KRIT1: variants seen among roughly 807,000 people sequenced by gnomAD.
KRIT1 encodes krev interaction trapped protein 1.
KRIT1 carries 45 observed loss-of-function variants against 95.8 expected under a neutral mutation model. The observed-to-expected ratio is 0.47, with a 90% confidence interval of 0.37 to 0.60. The LOEUF is 0.60. Among genes scored for constraint, KRIT1 ranks in the 20% least tolerant of loss-of-function variants. KRIT1 has a pLI of 0.00. For synonymous variants in KRIT1, 282 were observed against 278.8 expected, an observed-to-expected ratio of 1.01 and a Z score of -0.11; for missense variants, 788 against 877.5, an observed-to-expected ratio of 0.90 and a Z score of 1.29.
chr7:92,222,995 C>T lies in KRIT1; in HGVS notation c.1255-17G>A. On this transcript the variant is annotated splice_polypyrimidine_tract_variant and intron_variant, in intron 12 of 18. Coordinates refer to ENST00000394505, the MANE Select transcript of KRIT1 (RefSeq NM_194454.3). ...TTTTTCATACTACAAGAAACGATAA[C>T]TTACGTAACGAACTTAAAAAATTAT... The T allele has an allele frequency of 6.4e-7, 1 of 1,573,252 alleles. No homozygotes were observed. Among genetic ancestry groups the T allele is most frequent in the Non-Finnish European group, 8.7e-7 (1 of 1,145,120 alleles).
intron 4 of KRIT1, 77 bp from the exon 5 acceptor site, chr7:92,241,229 C>A: frequency 9.6e-7 from 1 of 1,037,746 alleles, no homozygotes; most frequent in South Asian, 1.4e-5. Context: ...AGCTAGCAGT[C>A]TTTCTCAACT....
At position 92,245,189 on chromosome 7, in the gene KRIT1, A is replaced by C. The variant is rs1425974195; in HGVS notation, c.-420-18T>G. The C allele has an allele frequency of 6.6e-6, 1 of 151,904 alleles. No homozygotes were observed. Among genetic ancestry groups the C allele is most frequent in the Non-Finnish European group, 1.5e-5 (1 of 67,996 alleles). 9.4% of individuals were successfully genotyped at this position (151,904 alleles called of 1,614,324 possible). ...CCAAAAACCTTAAAAGGTGGAGAAA[A>C]GTGTAGAGGCGAGAAGTGAGTTACA... On this transcript the variant is annotated intron_variant, in intron 1 of 18. Transcript: ENST00000394505.
chr7:92,222,591 A>G (rs536806182), intron 13 of KRIT1, among the ~76,000 whole-genome samples: 1 of 152,330 alleles, frequency 6.6e-6, no homozygotes, highest in South Asian at 2.1e-4. Flanking sequence ...GCCATAGAAG[A>G]AAAGTTTTGT....
In KRIT1 at chr7:92,237,744, A is replaced by G. The variant is rs1235381178; in HGVS notation, c.278T>C (p.Leu93Pro). ...TCCATCCAGAGGAAATTTTTTCATTAGTACAACTCGTTTTCCTAATCATTT... is the reference window on the plus strand; with the variant it reads ...TCCATCCAGAGGAAATTTTTTCATTGGTACAACTCGTTTTCCTAATCATTT... ...NQGIRGKRVV[L>P]MKKFPLDGEK... Residue 93 changes from leucine (L) to proline (P), a missense_variant, in exon 6 of 19, where the codon CTA becomes CCA. By Grantham distance (98) the Leu-to-Pro change is moderately conservative (BLOSUM62 -3). Coordinates refer to ENST00000394505, the MANE Select transcript of KRIT1 (RefSeq NM_194454.3). The G allele has an allele frequency of 6.3e-7, 1 of 1,588,346 alleles. No individual in the cohort carries two copies. The highest frequency in any genetic ancestry group is 8.6e-7 in the Non-Finnish European group (1 of 1,157,018).
chr7:92,214,493 ATTATT>A (rs1793541133), intron 15 of KRIT1, 113 bp downstream of exon 15: 2 of 746,842 alleles, frequency 2.7e-6, no homozygotes, highest in Admixed American at 2.6e-5. Flanking sequence ...TATGTCTTAT[ATTATT>A]TAATTCCAAA....
chr7:92,237,771 T>A lies in KRIT1; in HGVS notation c.263-12A>T, dbSNP rs748446872. 1.1e-5 allele frequency: 16 copies of A among 1,466,496 alleles called. No individual in the cohort carries two copies. In the Admixed American group the frequency reaches 1.3e-4, roughly 12 times the overall value. The allele number at this position is 1,466,496 out of a possible 1,614,324, so 90.8% of individuals were successfully genotyped here. A position where few individuals can be genotyped will look rare whatever the true frequency, so the allele number is the denominator to read the frequency against. ...TACAACTCGTTTTCCTAATCATTTT[T>A]AAAAAGTTAGCAAAACAAAAATAAT... On this transcript the variant is annotated splice_polypyrimidine_tract_variant and intron_variant, in intron 5 of 18. Transcript: ENST00000394505.
chr7:92,203,459 T>C (rs183793225), intron 17 of KRIT1, among the ~76,000 whole-genome samples: 1 of 152,346 alleles, frequency 6.6e-6, no homozygotes, highest in Non-Finnish European at 1.5e-5. Flanking sequence ...ATCACCTGTT[T>C]AGATACCCAA....
intron 12 of KRIT1, among the ~76,000 whole-genome samples, chr7:92,223,842 T>C (rs1309128322): frequency 6.6e-6 from 1 of 152,224 alleles, no homozygotes; most frequent in Non-Finnish European, 1.5e-5. Context: ...TGGATTTTTA[T>C]TGTTATAGGA....
chr7:92,242,975 T>C (rs1319903660), intron 3 of KRIT1, among the ~76,000 whole-genome samples: 1 of 152,146 alleles, frequency 6.6e-6, no homozygotes, highest in African/African-American at 2.4e-5. Flanking sequence ...TGTGCCACCA[T>C]GCTCGGCTAA....
intron 8 of KRIT1, among the ~76,000 whole-genome samples, chr7:92,235,189 G>A (rs527525336): frequency 1.3e-5 from 2 of 152,102 alleles, no homozygotes; most frequent in African/African-American, 4.8e-5. Flanking sequence ...TAGTAGAGAC[G>A]AGATTTCACC....
At chr7:92,212,100 GTC>G in intron 17 of KRIT1, among the ~76,000 whole-genome samples, 1 of 152,138 alleles carries the variant, frequency 6.6e-6, no homozygotes, top group East Asian at 1.9e-4. Context: ...GTGAGACCCT[GTC>G]TCAAAAAATA....
chr7:92,246,080 T>G (rs1405586754), upstream of KRIT1: 1 of 279,498 alleles, frequency 3.6e-6, no homozygotes, highest in Non-Finnish European at 6.9e-6. Flanking sequence ...GCGGTGGGGG[T>G]GCCAGCGGCT....
At chr7:92,238,264 G>A (rs537365231) in intron 5 of KRIT1, among the ~76,000 whole-genome samples, 1 of 152,204 alleles carries the variant, frequency 6.6e-6, no homozygotes, top group South Asian at 2.1e-4. Context: ...TGTTTTTCCT[G>A]AATTGGCAGT....
Position 92,200,357 on chromosome 7 carries a change from A to ATTTTTTT in KRIT1, c.*372_*378dup, listed in dbSNP as rs34910226. On this transcript the variant is annotated 3_prime_UTR_variant, in exon 19 of 19. Coordinates refer to ENST00000394505, the MANE Select transcript of KRIT1 (RefSeq NM_194454.3). ...GAGACTATATGCCTTGTTGAAAGTA[A>ATTTTTTT]TTTTTTTTTTTTTTTGAGATGGAGT... 4.6e-6 allele frequency: 1 copy of ATTTTTTT among 215,660 alleles called. No individual in the cohort carries two copies. The highest frequency in any genetic ancestry group is 9.2e-6 in the Non-Finnish European group (1 of 108,336). 13.4% of individuals were successfully genotyped at this position (215,660 alleles called of 1,614,324 possible).
intron 5 of KRIT1, 87 bp downstream of exon 5, chr7:92,240,906 A>C: frequency 9.5e-7 from 1 of 1,057,174 alleles, no homozygotes; most frequent in Non-Finnish European, 1.4e-6. Context: ...CATAAAAAGA[A>C]ATTGGTTTAA....
rs770594592 is a variant in KRIT1, at chr7:92,241,109, CTCTTT to C, written c.141_145del (p.Arg49GlufsTer13). 1 of 1,611,236 alleles carries C rather than the reference CTCTTT, an allele frequency of 6.2e-7. No homozygotes were observed. Among genetic ancestry groups the C allele is most frequent in the Admixed American group, 1.7e-5 (1 of 59,928 alleles). On this transcript the variant is annotated frameshift_variant, in exon 5 of 19. Coordinates refer to ENST00000394505, the MANE Select transcript of KRIT1 (RefSeq NM_194454.3). LOFTEE classifies it high-confidence loss of function. ...TTTCGTTTCCAATAAAACTTTCTTTCTCTTTTTTTTCTGTCCTTCAATGGGAACTT... is the reference window on the plus strand; with the variant it reads ...TTTCGTTTCCAATAAAACTTTCTTTCTTTTTCTGTCCTTCAATGGGAACTT...
chr7:92,212,504 AC>A (rs1179540801), intron 17 of KRIT1, among the ~76,000 whole-genome samples: 1 of 152,226 alleles, frequency 6.6e-6, no homozygotes, highest in Non-Finnish European at 1.5e-5. Flanking sequence ...AGCAGGGCCC[AC>A]ATGAATGGGA....
intron 3 of KRIT1, 91 bp from the exon 4 acceptor site, chr7:92,242,228 CT>C: frequency 1.3e-6 from 1 of 775,322 alleles, no homozygotes; most frequent in Non-Finnish European, 2.3e-6. Flanking sequence ...AAATTGAAAA[CT>C]TTTATTTCCA....
intron 1 of KRIT1, 80 bp downstream of exon 1, chr7:92,245,710 A>T (rs1394440387): frequency 6.6e-6 from 1 of 152,382 alleles, no homozygotes; most frequent in Non-Finnish European, 1.5e-5. Context: ...GCCAAAAGAA[A>T]GCCGTCTTGA....
Sources: allele counts gnomAD v4.1 joint callset (sites outside exome capture counted in the v4.1 genomes callset), GRCh38; gene constraint gnomAD v4.1.1; transcripts MANE v1.5; gene names NCBI Gene and HGNC (gene_info 2026-07-23, HGNC 2026-07-21).